ITGA11: variants seen among roughly 807,000 people sequenced by gnomAD.
ITGA11 encodes integrin alpha-11.
In ITGA11, 97 loss-of-function variants were observed where a neutral mutation model predicts 141.9. The ratio of observed to expected loss-of-function variants is 0.68; its 90% CI spans 0.58 to 0.81. The LOEUF is 0.81. ITGA11 is among the 30% of genes least tolerant of loss of function. The pLI is 0.00. For missense variants in ITGA11, 1,387 were observed against 1,559.2 expected (o/e 0.89, Z 1.86); for synonymous variants, 658 against 624.6 (o/e 1.05, Z -0.80).
intron 1 of ITGA11, among the ~76,000 whole-genome samples, chr15:68,409,839 C>G (rs1896733133): frequency 6.6e-6 from 1 of 152,192 alleles, no homozygotes; most frequent in Non-Finnish European, 1.5e-5. Context: ...CAAGGTCATA[C>G]AGCTAGGAAG....
chr15:68,358,726 T>C lies in ITGA11; in HGVS notation c.473-141A>G, dbSNP rs866224053. ...CTGGGCTGGGAAACTGTCCTTGGGT[T>C]GGACATTTATTTGGGCAATGTGAGT... On this transcript the variant is annotated intron_variant, in intron 5 of 29. Coordinates refer to ENST00000315757, the MANE Select transcript of ITGA11 (RefSeq NM_001004439.2). 6.8e-5 allele frequency: 64 copies of C among 936,788 alleles called. 1 individual carries two copies. The Middle Eastern group carries it at 3.8e-3, about 55-fold the overall frequency. 58.0% of individuals were successfully genotyped at this position (936,788 alleles called of 1,614,324 possible).
At chr15:68,372,458 G>A (rs544542418) in intron 2 of ITGA11, among the ~76,000 whole-genome samples, 42 of 152,332 alleles carry the variant, frequency 2.8e-4, no homozygotes, top group Middle Eastern at 3.4e-3. Flanking sequence ...AGGTCGTGGC[G>A]AGCATCCGGC....
chr15:68,389,385 G>A (rs548492453), intron 2 of ITGA11, among the ~76,000 whole-genome samples: 6 of 152,172 alleles, frequency 3.9e-5, no homozygotes, highest in South Asian at 2.1e-4. Context: ...CCACAGCCTC[G>A]CTCTCATGGG....
At chr15:68,368,158 C>T (rs998104706) in intron 3 of ITGA11, among the ~76,000 whole-genome samples, 9 of 152,178 alleles carry the variant, frequency 5.9e-5, no homozygotes, top group East Asian at 1.9e-4. Context: ...CTGCCATTCC[C>T]GCCCAGTGAG....
chr15:68,371,319 C>T (rs930732668), intron 2 of ITGA11, among the ~76,000 whole-genome samples: 16 of 152,216 alleles, frequency 1.1e-4, no homozygotes, highest in African/African-American at 3.6e-4. Context: ...GTGACCAAGT[C>T]TTCCTGAGGG....
chr15:68,312,533 A>G (rs1017308076), intron 24 of ITGA11, among the ~76,000 whole-genome samples: 4 of 152,146 alleles, frequency 2.6e-5, no homozygotes, highest in African/African-American at 7.2e-5. Flanking sequence ...AAATTTAAGA[A>G]TTTTAGGCAA....
intron 3 of ITGA11, 60 bp from the exon 4 acceptor site, chr15:68,364,858 C>A: frequency 6.6e-7 from 1 of 1,508,946 alleles, no homozygotes; most frequent in Non-Finnish European, 9.2e-7. Context: ...TGCCCAGAGC[C>A]TGCTGCTGGT....
At chr15:68,353,063 G>C (rs117143015) in intron 7 of ITGA11, among the ~76,000 whole-genome samples, 7 of 152,232 alleles carry the variant, frequency 4.6e-5, no homozygotes, top group African/African-American at 1.4e-4. Flanking sequence ...AGCAAGGCAG[G>C]ACAGGCCACA....
intron 28 of ITGA11, among the ~76,000 whole-genome samples, chr15:68,306,059 G>A (rs1308249262): frequency 1.3e-5 from 2 of 151,320 alleles, no homozygotes; most frequent in African/African-American, 2.4e-5. Flanking sequence ...GCGTAGTGGC[G>A]GGCGCCTGTA....
At chr15:68,385,414 G>T (rs1895961914) in intron 2 of ITGA11, among the ~76,000 whole-genome samples, 1 of 152,244 alleles carries the variant, frequency 6.6e-6, no homozygotes, top group South Asian at 2.1e-4. Context: ...CAACACTCTT[G>T]GGCCTAGGCT....
intron 23 of ITGA11, 98 bp downstream of exon 23, chr15:68,313,681 G>A (rs1893469838): frequency 1.1e-6 from 1 of 872,902 alleles, no homozygotes; most frequent in Admixed American, 2.1e-5. Flanking sequence ...GCTGGGGTCT[G>A]GCCCTATTAG....
At chr15:68,306,857 C>T (rs753547129) in intron 28 of ITGA11, among the ~76,000 whole-genome samples, 4 of 152,258 alleles carry the variant, frequency 2.6e-5, no homozygotes, top group African/African-American at 4.8e-5. Flanking sequence ...CAGCGTCCCA[C>T]GCCCGGCTGC....
intron 9 of ITGA11, 148 bp downstream of exon 9, chr15:68,350,469 C>T (rs1043877214): frequency 2.0e-5 from 14 of 715,338 alleles, no homozygotes; most frequent in African/African-American, 5.5e-5. Context: ...GGGTTACAGG[C>T]GTGAGTCACC....
intron 2 of ITGA11, among the ~76,000 whole-genome samples, chr15:68,380,051 G>C (rs1895820478): frequency 6.6e-6 from 1 of 152,192 alleles, no homozygotes; most frequent in South Asian, 2.1e-4. Context: ...TGGCCAGGCA[G>C]GTGGTCCAGC....
At chr15:68,362,764 A>G (rs1895286951) in intron 4 of ITGA11, among the ~76,000 whole-genome samples, 1 of 152,010 alleles carries the variant, frequency 6.6e-6, no homozygotes, top group African/African-American at 2.4e-5. Flanking sequence ...TGGACAGATG[A>G]TGGATGAATG....
At position 68,369,901 on chromosome 15, in the gene ITGA11, T is replaced by C. The variant is rs146997340; in HGVS notation, c.165-617A>G. On this transcript the variant is annotated intron_variant, in intron 2 of 29. Coordinates refer to ENST00000315757, the MANE Select transcript of ITGA11 (RefSeq NM_001004439.2). Reference sequence around the variant, plus strand: ...TGCAGATGTAACTAAGTTAAGGTTCTTGGGTTGAGATCATCCTGGATTATC... The same window carrying C: ...TGCAGATGTAACTAAGTTAAGGTTCCTGGGTTGAGATCATCCTGGATTATC... Among the ~76,000 whole-genome samples the C allele has an allele frequency of 5.3e-5, 8 of 152,330 alleles. No homozygotes were observed. In the East Asian group the frequency reaches 1.3e-3, roughly 26 times the overall value.
Position 68,331,171 on chromosome 15 carries a change from C to T in ITGA11, c.1771-60G>A, listed in dbSNP as rs550608301. 644 of 1,475,832 alleles carry T rather than the reference C, an allele frequency of 4.4e-4. 4 individuals carry two copies. In the African/African-American group the frequency reaches 8.2e-3, roughly 19 times the overall value. 91.4% of individuals were successfully genotyped at this position (1,475,832 alleles called of 1,614,324 possible). On this transcript the variant is annotated intron_variant, in intron 14 of 29. Transcript: ENST00000315757. Reference sequence around the variant, plus strand: ...ACACTGTGAGTGTGGGGGCGGGCGTCCCCGAGCAGCAGGAACAATCAGGAA... The same window carrying T: ...ACACTGTGAGTGTGGGGGCGGGCGTTCCCGAGCAGCAGGAACAATCAGGAA...
intron 3 of ITGA11, chr15:68,365,419 T>A: frequency 2.6e-6 from 2 of 774,904 alleles, no homozygotes; most frequent in Non-Finnish European, 3.1e-6. Flanking sequence ...CTGCTGGGAA[T>A]AGGGAGAGGG....
chr15:68,394,724 C>T (rs1019134670), intron 2 of ITGA11, among the ~76,000 whole-genome samples: 2 of 151,606 alleles, frequency 1.3e-5, no homozygotes, highest in Non-Finnish European at 2.9e-5. Flanking sequence ...ACACAAATTA[C>T]CAAAAAGAGA....
Sources: allele counts gnomAD v4.1 joint callset (sites outside exome capture counted in the v4.1 genomes callset), GRCh38; gene constraint gnomAD v4.1.1; transcripts MANE v1.5; gene names NCBI Gene and HGNC (gene_info 2026-07-23, HGNC 2026-07-21).